The following ADGRG5 variants were observed in gnomAD, a reference collection of about 807,000 sequenced individuals.
The protein encoded by ADGRG5 is G protein-coupled receptor 114.
A neutral mutation model predicts 53.2 loss-of-function variants in ADGRG5; 37 were observed. The observed-to-expected ratio is 0.70, with a 90% CI of 0.53 to 0.91. The LOEUF is 0.91. Ranked by LOEUF, ADGRG5 falls within the 40% of genes least tolerant of loss-of-function variation. ADGRG5 has a pLI of 0.00. For missense variants in ADGRG5, 614 were observed against 675.8 expected, an observed-to-expected ratio of 0.91 and a Z score of 1.01; for synonymous variants, 277 against 290.4, an observed-to-expected ratio of 0.95 and a Z score of 0.47.
At chr16:57,559,334 A>G (rs1432492441) in intron 1 of ADGRG5, among the ~76,000 whole-genome samples, 1 of 152,222 alleles carries the variant, frequency 6.6e-6, no homozygotes, top group Non-Finnish European at 1.5e-5. Context: ...CCTTGCACTC[A>G]TGCAGGGCCC....
At chr16:57,545,807 C>T (rs553111313) in intron 1 of ADGRG5, among the ~76,000 whole-genome samples, 5 of 128,764 alleles carry the variant, frequency 3.9e-5, no homozygotes, top group Non-Finnish European at 8.2e-5. Flanking sequence ...TTATTTCTCA[C>T]ATGTGCAAGT....
At chr16:57,537,968 G>T (rs1377471097), upstream of ADGRG5, among the ~76,000 whole-genome samples, 1 of 152,160 alleles carries the variant, frequency 6.6e-6, no homozygotes, top group Non-Finnish European at 1.5e-5. Flanking sequence ...ACTTGCACAA[G>T]GTCCTACAGC....
At chr16:57,550,509 CT>C (rs1408364225) in intron 1 of ADGRG5, among the ~76,000 whole-genome samples, 3 of 152,104 alleles carry the variant, frequency 2.0e-5, no homozygotes, top group Non-Finnish European at 4.4e-5. Context: ...TGAAATTCAA[CT>C]TATCAGTTTT....
intron 5 of ADGRG5, 29 bp downstream of exon 5, chr16:57,564,008 G>A (rs984539239): frequency 6.2e-7 from 1 of 1,601,438 alleles, no homozygotes; most frequent in Non-Finnish European, 8.5e-7. Context: ...CAAGGAGGGT[G>A]GGTGCCGGCC....
intron 1 of ADGRG5, among the ~76,000 whole-genome samples, chr16:57,556,780 A>C (rs547894043): frequency 6.6e-6 from 1 of 152,076 alleles, no homozygotes; most frequent in African/African-American, 2.4e-5. Context: ...TTTAAGTCCA[A>C]ATTTCCAACT....
At chr16:57,573,665 A>G (rs2033427799) in intron 10 of ADGRG5, among the ~76,000 whole-genome samples, 1 of 152,204 alleles carries the variant, frequency 6.6e-6, no homozygotes. Context: ...CATTTGGCAT[A>G]TGCCCTATGT....
the ADGRG5 span, among the ~76,000 whole-genome samples, chr16:57,533,853 G>A: frequency 6.6e-6 from 1 of 152,082 alleles, no homozygotes; most frequent in East Asian, 1.9e-4. Context: ...TGCCCTGCCC[G>A]CCCCTTCCAC....
At chr16:57,549,346 A>T (rs142048944) in intron 1 of ADGRG5, among the ~76,000 whole-genome samples, 1 of 152,210 alleles carries the variant, frequency 6.6e-6, no homozygotes, top group Non-Finnish European at 1.5e-5. Context: ...TGCAGATCCA[A>T]TGGTGGAAAA....
intron 10 of ADGRG5, among the ~76,000 whole-genome samples, chr16:57,573,864 G>A (rs1158180088): frequency 6.6e-6 from 1 of 152,144 alleles, no homozygotes; most frequent in African/African-American, 2.4e-5. Flanking sequence ...TGGGATTACA[G>A]GCACCTGCCA....
chr16:57,552,415 A>C (rs1311496025), intron 1 of ADGRG5, among the ~76,000 whole-genome samples: 1 of 152,186 alleles, frequency 6.6e-6, no homozygotes. Context: ...CTTGTGGATA[A>C]CTTGCTTCTC....
Position 57,565,035 on chromosome 16 carries a change from A to G in ADGRG5, c.431A>G (p.Asp144Gly), listed in dbSNP as rs146649312. ...IYFSNTHFFK[D>G]ENNSSLLNNY... ...GCCCTTCTCCTGCTGCCCTTCCAGG[A>G]TGAAAACAACTCATCTCTGCTGAAT... Residue 144 changes from aspartate (D) to glycine (G), a missense_variant and splice_region_variant, in exon 6 of 12, where the codon GAT (aspartate) becomes GGT (glycine). Transcript: ENST00000349457. The G allele has an allele frequency of 3.5e-5, 56 of 1,607,642 alleles. No individual in the cohort carries two copies. In the African/African-American group the frequency reaches 6.9e-4, roughly 20 times the overall value.
chr16:57,533,659 G>A, the ADGRG5 span, among the ~76,000 whole-genome samples: 3 of 140,544 alleles, frequency 2.1e-5, no homozygotes, highest in Non-Finnish European at 4.6e-5. Flanking sequence ...CACATGGCCC[G>A]AGGGACCTGC....
chr16:57,556,743 C>T (rs767473389), intron 1 of ADGRG5, among the ~76,000 whole-genome samples: 9 of 152,030 alleles, frequency 5.9e-5, no homozygotes, highest in Non-Finnish European at 8.8e-5. Flanking sequence ...CACATTTTTG[C>T]CAGTTTCAAT....
chr16:57,563,041 C>A, intron 3 of ADGRG5, 50 bp from the exon 4 acceptor site: 2 of 1,609,022 alleles, frequency 1.2e-6, no homozygotes, highest in Non-Finnish European at 8.5e-7. Context: ...CCCTCTCACC[C>A]TTACCCCACT....
At chr16:57,535,535 A>G in the ADGRG5 span, among the ~76,000 whole-genome samples, 56,526 of 151,698 alleles carry the variant, frequency 0.37, 10,888 homozygotes, top group African/African-American at 0.46. Flanking sequence ...AATGCCCCCG[A>G]GAGCACCTAC....
At chr16:57,563,778 G>T in intron 4 of ADGRG5, 70 bp from the exon 5 acceptor site, 1 of 1,594,740 alleles carries the variant, frequency 6.3e-7, no homozygotes, top group South Asian at 1.1e-5. Context: ...GGGAGTGGGA[G>T]GCAGTGAAGG....
chr16:57,538,476 G>A (rs1161387924), upstream of ADGRG5, among the ~76,000 whole-genome samples: 2 of 152,056 alleles, frequency 1.3e-5, no homozygotes, highest in South Asian at 2.1e-4. Flanking sequence ...GTGATGGTAC[G>A]CTCCTGTAGC....
the ADGRG5 span, among the ~76,000 whole-genome samples, chr16:57,534,436 G>A: frequency 6.6e-6 from 1 of 152,158 alleles, no homozygotes. Flanking sequence ...TGTTGCTTGT[G>A]GACTTGTCTG....
At chr16:57,570,373 G>C (rs1335772926) in intron 9 of ADGRG5, 45 bp from the exon 10 acceptor site, 1 of 1,335,186 alleles carries the variant, frequency 7.5e-7, no homozygotes, top group Non-Finnish European at 1.1e-6. Flanking sequence ...GGGACCGAGG[G>C]TCAGCCCTCT....
Sources: gnomAD v4.1 joint callset for allele counts (sites outside exome capture counted in the v4.1 genomes callset) on GRCh38, gnomAD v4.1.1 for gene constraint, MANE v1.5 for transcripts, NCBI Gene and HGNC (gene_info 2026-07-23, HGNC 2026-07-21) for gene names.